RGS6: variants seen among roughly 807,000 people sequenced by gnomAD.
The protein encoded by RGS6 is regulator of G protein signaling 6.
In RGS6, 30 loss-of-function variants were observed where a neutral mutation model predicts 78.5. The observed-to-expected ratio is 0.38, with a 90% CI of 0.29 to 0.52. The LOEUF (loss-of-function observed/expected upper bound fraction) is 0.52. Ranked by LOEUF, RGS6 falls within the 20% of genes least tolerant of loss-of-function variation. RGS6 has a pLI of 0.85. For synonymous variants in RGS6, 206 were observed against 206.0 expected, an observed-to-expected ratio of 1.00 and a Z score of 0.00; for missense variants, 495 against 609.7, an observed-to-expected ratio of 0.81 and a Z score of 1.98.
intron 3 of RGS6, among the ~76,000 whole-genome samples, chr14:72,429,867 T>C (rs2007903): frequency 0.093 from 14,167 of 152,160 alleles, 1,161 homozygotes; most frequent in Admixed American, 0.22. Context: ...CTCCATGCTG[T>C]TCTCATGATA....
chr14:72,350,972 C>T (rs2079011578), intron 2 of RGS6, among the ~76,000 whole-genome samples: 1 of 152,070 alleles, frequency 6.6e-6, no homozygotes, highest in Non-Finnish European at 1.5e-5. Context: ...TCTAACTTTG[C>T]CTCTAACAAG....
At chr14:72,205,806 C>T (rs1226828159) in intron 2 of RGS6, among the ~76,000 whole-genome samples, 1 of 152,180 alleles carries the variant, frequency 6.6e-6, no homozygotes, top group Non-Finnish European at 1.5e-5. Context: ...GTTCTGCAGA[C>T]CGAAATGCTG....
intron 2 of RGS6, among the ~76,000 whole-genome samples, chr14:72,162,041 CTA>C (rs1485692084): frequency 1.3e-5 from 2 of 152,250 alleles, no homozygotes; most frequent in South Asian, 2.1e-4. Context: ...CAGAATTCTG[CTA>C]TGAAATTTAA....
intron 7 of RGS6, among the ~76,000 whole-genome samples, chr14:72,467,872 G>A (rs571144778): frequency 1.6e-4 from 24 of 152,174 alleles, no homozygotes; most frequent in East Asian, 3.9e-4. Context: ...CTCTTTGTGC[G>A]CCCAGTGCAA....
intron 7 of RGS6, among the ~76,000 whole-genome samples, chr14:72,466,136 C>T (rs146391651): frequency 6.6e-6 from 1 of 152,264 alleles, no homozygotes; most frequent in Non-Finnish European, 1.5e-5. Context: ...GAAAAGATGT[C>T]CAATATTATT....
chr14:72,521,732 G>C (rs1355559585), intron 15 of RGS6, among the ~76,000 whole-genome samples: 1 of 152,142 alleles, frequency 6.6e-6, no homozygotes. Context: ...TTCTAGCAGA[G>C]TGACCTTGGA....
chr14:72,075,317 T>A (rs1380276528), intron 2 of RGS6, among the ~76,000 whole-genome samples: 1 of 152,236 alleles, frequency 6.6e-6, no homozygotes, highest in Non-Finnish European at 1.5e-5. Flanking sequence ...TTTCCTTATT[T>A]CCTATATTCA....
intron 2 of RGS6, among the ~76,000 whole-genome samples, chr14:72,306,135 A>G (rs554589310): frequency 1.5e-4 from 23 of 152,318 alleles, no homozygotes; most frequent in African/African-American, 5.5e-4. Flanking sequence ...ATGACGCTAA[A>G]TCTACTCTGC....
chr14:72,462,417 T>C (rs2095804612), intron 6 of RGS6, among the ~76,000 whole-genome samples: 1 of 152,166 alleles, frequency 6.6e-6, no homozygotes, highest in African/African-American at 2.4e-5. Context: ...GAACACACTT[T>C]CCCAAGTTTT....
chr14:72,253,264 T>C (rs1300052082), intron 2 of RGS6, among the ~76,000 whole-genome samples: 1 of 152,220 alleles, frequency 6.6e-6, no homozygotes, highest in African/African-American at 2.4e-5. Context: ...CCTGTGGAGA[T>C]AGGGCAAAAC....
chr14:72,419,160 GC>G (rs2094017927), intron 3 of RGS6, among the ~76,000 whole-genome samples: 1 of 152,192 alleles, frequency 6.6e-6, no homozygotes, highest in Non-Finnish European at 1.5e-5. Context: ...CTGCTAACTG[GC>G]AAGAAGTCCC....
intron 2 of RGS6, among the ~76,000 whole-genome samples, chr14:72,074,878 A>G (rs1452106065): frequency 2.0e-5 from 3 of 152,226 alleles, no homozygotes; most frequent in African/African-American, 7.2e-5. Context: ...CTTTATTCTC[A>G]GTTCTGTTTT....
chr14:71,964,739 G>T, intron 1 of RGS6, 33 bp from the exon 2 acceptor site: 2 of 1,443,566 alleles, frequency 1.4e-6, no homozygotes, highest in East Asian at 2.4e-5. Context: ...TAATTCCTTC[G>T]TGACTTAATG....
At chr14:72,294,187 A>G (rs1350375671) in intron 2 of RGS6, among the ~76,000 whole-genome samples, 1 of 152,190 alleles carries the variant, frequency 6.6e-6, no homozygotes, top group Non-Finnish European at 1.5e-5. Context: ...GGTACTTAAC[A>G]TGGTTTGCAT....
chr14:72,511,986 G>A (rs1369360093), intron 14 of RGS6, among the ~76,000 whole-genome samples: 2 of 152,164 alleles, frequency 1.3e-5, no homozygotes, highest in Admixed American at 6.5e-5. Context: ...TCCCTGTATA[G>A]GAAGGAAGGC....
At chr14:72,471,496 G>A (rs1371178307) in intron 8 of RGS6, among the ~76,000 whole-genome samples, 4 of 152,254 alleles carry the variant, frequency 2.6e-5, no homozygotes, top group African/African-American at 9.6e-5. Context: ...ACCTGCATGT[G>A]AGCAGCCGCT....
At chr14:72,373,255 T>A (rs1480506981) in intron 3 of RGS6, among the ~76,000 whole-genome samples, 1 of 152,210 alleles carries the variant, frequency 6.6e-6, no homozygotes, top group Non-Finnish European at 1.5e-5. Context: ...GTAAAATTAT[T>A]TCCCATTGGT....
chr14:72,253,625 G>A (rs915253835), intron 2 of RGS6, among the ~76,000 whole-genome samples: 100 of 152,142 alleles, frequency 6.6e-4, no homozygotes, highest in African/African-American at 2.3e-3. Flanking sequence ...ATAGGATTTT[G>A]CTTCCTCACC....
chr14:72,268,738 A>G (rs2059455412), intron 2 of RGS6, among the ~76,000 whole-genome samples: 1 of 152,256 alleles, frequency 6.6e-6, no homozygotes, highest in South Asian at 2.1e-4. Context: ...GAGGGGAGAC[A>G]GGTAGGCAGA....
Sources: allele counts gnomAD v4.1 joint callset (sites outside exome capture counted in the v4.1 genomes callset), GRCh38; gene constraint gnomAD v4.1.1; transcripts MANE v1.5; gene names NCBI Gene and HGNC (gene_info 2026-07-23, HGNC 2026-07-21).